Variants in EDA observed in about 807,000 individuals in gnomAD.
The protein encoded by EDA is ectodysplasin A, also known as ectodysplasin-A.
A neutral mutation model predicts 23.6 loss-of-function variants in EDA; 2 were observed. The observed-to-expected ratio is 0.08, with a 90% CI of 0.03 to 0.27. EDA has a LOEUF of 0.27. Ranked by LOEUF, EDA falls within the 10% of genes least tolerant of loss-of-function variation. The pLI is 1.00. For missense variants in EDA, 229 were observed against 324.2 expected (o/e 0.71, Z 2.26); for synonymous variants, 131 against 132.0 (o/e 0.99, Z 0.05).
chrX:69,645,473 G>T (rs186261257), intron 1 of EDA, among the ~76,000 whole-genome samples: 1 of 101,562 alleles, frequency 9.8e-6, no homozygotes, highest in East Asian at 3.3e-4. Flanking sequence ...TGTGTTTAGA[G>T]TGTTTCAAGG....
chrX:69,829,248 A>T (rs778313302), intron 1 of EDA, among the ~76,000 whole-genome samples: 1 of 112,232 alleles, frequency 8.9e-6, no homozygotes, highest in Non-Finnish European at 1.9e-5. Context: ...TGTTAAATGG[A>T]TAAAGACCCT....
At chrX:70,021,348 C>T (rs1350359094) in intron 2 of EDA, among the ~76,000 whole-genome samples, 3 of 111,745 alleles carry the variant, frequency 2.7e-5, no homozygotes, top group Admixed American at 9.5e-5. Flanking sequence ...AAACTTGGTC[C>T]GGGCCAGCAC....
At chrX:70,011,716 A>T (rs2019878555) in intron 2 of EDA, among the ~76,000 whole-genome samples, 1 of 111,736 alleles carries the variant, frequency 8.9e-6, no homozygotes, top group South Asian at 3.8e-4. Context: ...CATTTCTTGC[A>T]AGGCCGATCT....
chrX:69,632,762 G>C (rs1203572747), intron 1 of EDA, among the ~76,000 whole-genome samples: 1 of 111,803 alleles, frequency 8.9e-6, no homozygotes, highest in Non-Finnish European at 1.9e-5. Context: ...CCCCACTCTT[G>C]TGCTCCTGTC....
At chrX:69,779,924 C>G (rs764345356) in intron 1 of EDA, among the ~76,000 whole-genome samples, 1 of 111,127 alleles carries the variant, frequency 9.0e-6, no homozygotes, top group East Asian at 2.8e-4. Context: ...GCTTATATGG[C>G]CATGATACAA....
chrX:69,751,579 T>C (rs1368323282), intron 1 of EDA, among the ~76,000 whole-genome samples: 3 of 112,161 alleles, frequency 2.7e-5, no homozygotes, highest in Non-Finnish European at 3.8e-5. Flanking sequence ...ATTGGTAGCT[T>C]GATGGGGATG....
chrX:69,739,550 T>C (rs1225306477), intron 1 of EDA, among the ~76,000 whole-genome samples: 2 of 111,388 alleles, frequency 1.8e-5, no homozygotes, highest in Non-Finnish European at 3.8e-5. Flanking sequence ...TTTGTCTTCT[T>C]TGTTCCTCTA....
At chrX:69,808,456 A>G (rs2015865987) in intron 1 of EDA, among the ~76,000 whole-genome samples, 1 of 111,697 alleles carries the variant, frequency 9.0e-6, no homozygotes, top group South Asian at 3.8e-4. Context: ...GATTAATTAC[A>G]TAGGCATGAT....
At chrX:69,983,961 G>A (rs1333225441) in intron 2 of EDA, among the ~76,000 whole-genome samples, 10 of 103,938 alleles carry the variant, frequency 9.6e-5, no homozygotes, top group Non-Finnish European at 1.4e-4. Context: ...TCAGGATTAA[G>A]AATCTCACTC....
chrX:69,873,490 A>G (rs2017597583), intron 1 of EDA, among the ~76,000 whole-genome samples: 1 of 112,482 alleles, frequency 8.9e-6, no homozygotes, highest in Admixed American at 9.4e-5. Flanking sequence ...AATAAAATTG[A>G]TAGACCATTA....
At chrX:69,706,661 G>A (rs2011735489) in intron 1 of EDA, among the ~76,000 whole-genome samples, 1 of 111,421 alleles carries the variant, frequency 9.0e-6, no homozygotes, top group Admixed American at 9.6e-5. Context: ...CAGGTTGTAT[G>A]TAGATTTACA....
intron 1 of EDA, chrX:69,938,136 T>C (rs2018702018): frequency 1.4e-6 from 1 of 704,992 alleles, no homozygotes. Context: ...CTCTCACTCC[T>C]CCTCCTCCCC....
chrX:69,875,909 C>T (rs759535522), intron 1 of EDA, among the ~76,000 whole-genome samples: 1 of 111,875 alleles, frequency 8.9e-6, no homozygotes, highest in South Asian at 3.8e-4. Flanking sequence ...CACAAATTAT[C>T]AGGAAAATGC....
chrX:69,720,026 G>A (rs778275911), intron 1 of EDA, among the ~76,000 whole-genome samples: 2 of 111,270 alleles, frequency 1.8e-5, no homozygotes, highest in Admixed American at 1.9e-4. Flanking sequence ...GGGATTACAG[G>A]TGTGAGCCAC....
At chrX:69,822,958 G>T (rs1441021077) in intron 1 of EDA, among the ~76,000 whole-genome samples, 1 of 97,376 alleles carries the variant, frequency 1.0e-5, no homozygotes, top group African/African-American at 3.9e-5. Flanking sequence ...TTTGTTTTTT[G>T]TTCTTGTGAT....
intron 2 of EDA, among the ~76,000 whole-genome samples, chrX:70,007,880 TATAA>T (rs1285454615): frequency 8.9e-6 from 1 of 112,301 alleles, no homozygotes; most frequent in Non-Finnish European, 1.9e-5. Context: ...ATTATGTTAA[TATAA>T]ATAGTGTTTG....
chrX:69,754,688 T>G (rs2014034168), intron 1 of EDA, among the ~76,000 whole-genome samples: 1 of 111,815 alleles, frequency 8.9e-6, no homozygotes, highest in African/African-American at 3.3e-5. Flanking sequence ...CCCCGTCACT[T>G]TCAGGTACAG....
intron 1 of EDA, among the ~76,000 whole-genome samples, chrX:69,825,798 C>G (rs1347941509): frequency 1.8e-5 from 2 of 111,247 alleles, no homozygotes; most frequent in African/African-American, 3.3e-5. Context: ...GTTAGGGTGT[C>G]AATTCTGAAT....
intron 1 of EDA, among the ~76,000 whole-genome samples, chrX:69,758,607 G>A (rs1234284913): frequency 8.9e-6 from 1 of 112,236 alleles, no homozygotes; most frequent in Non-Finnish European, 1.9e-5. Flanking sequence ...GCTGAGGTGG[G>A]CAGATCACCT....
Sources: gnomAD v4.1 joint callset for allele counts (sites outside exome capture counted in the v4.1 genomes callset) on GRCh38, gnomAD v4.1.1 for gene constraint, MANE v1.5 for transcripts, NCBI Gene and HGNC (gene_info 2026-07-23, HGNC 2026-07-21) for gene names.